The following TOX variants were observed in gnomAD, a reference collection of about 807,000 sequenced individuals.
The protein encoded by TOX is thymocyte selection associated high mobility group box, also known as thymocyte selection-associated high mobility group box protein TOX.
TOX carries 11 observed loss-of-function variants against 53.7 expected under a neutral mutation model. The observed-to-expected ratio is 0.20, with a 90% CI of 0.13 to 0.34. The LOEUF (loss-of-function observed/expected upper bound fraction) is 0.34. Ranked by LOEUF, TOX falls within the 10% of genes least tolerant of loss-of-function variation. The pLI, the probability that TOX is intolerant of heterozygous loss-of-function variation, is 1.00. For synonymous variants in TOX, 225 were observed against 245.3 expected, an observed-to-expected ratio of 0.92 and a Z score of 0.77; for missense variants, 570 against 664.6, an observed-to-expected ratio of 0.86 and a Z score of 1.56.
rs924942904 is a variant in TOX, at chr8:59,033,558, T to C, written c.103-73550A>G. Among the ~76,000 whole-genome samples the C allele has an allele frequency of 2.0e-5, 3 of 152,116 alleles. No individual in the cohort carries two copies. In the East Asian group the frequency reaches 5.8e-4, roughly 29 times the overall value. On this transcript the variant is annotated intron_variant, in intron 1 of 8. Coordinates refer to ENST00000361421, the MANE Select transcript of TOX (RefSeq NM_014729.3). The stretch of plus-strand genomic sequence containing the variant: ...TATTATGTGAATTTTTCCACAATAA[T>C]AAAAAGGTCGATGCCCAGTCGCCAC...
chr8:59,063,357 T>G (rs1240810568), intron 1 of TOX, among the ~76,000 whole-genome samples: 1 of 152,140 alleles, frequency 6.6e-6, no homozygotes, highest in Non-Finnish European at 1.5e-5. Flanking sequence ...AAAATTTTTT[T>G]TTTATTCCAA....
At position 58,815,371 on chromosome 8, in the gene TOX, G is replaced by A; in HGVS notation, c.1359C>T (p.Val453=). Residue 453 remains valine, a synonymous_variant, in exon 7 of 9, where the codon GTC becomes GTT. Coordinates refer to ENST00000361421, the MANE Select transcript of TOX (RefSeq NM_014729.3). ...QPLGNQLPMQ[V]QSALHSPTMQ... ...TGGTGGGTGAGTGTAAGGCAGACTG[G>A]ACCTGCATGGGGAGCTGGTTCCCAA... 6.2e-7 allele frequency: 1 copy of A among 1,610,612 alleles called. No individual in the cohort carries two copies. The highest frequency in any genetic ancestry group is 1.1e-5 in the South Asian group (1 of 90,276).
chr8:58,874,147 T>G (rs1208245903), intron 3 of TOX, among the ~76,000 whole-genome samples: 1 of 151,666 alleles, frequency 6.6e-6, no homozygotes, highest in African/African-American at 2.4e-5. Flanking sequence ...GTATCCTTTC[T>G]ATCAGGTTTC....
intron 1 of TOX, among the ~76,000 whole-genome samples, chr8:58,970,001 G>C (rs1812974219): frequency 6.6e-6 from 1 of 152,122 alleles, no homozygotes. Flanking sequence ...AAACCACCTA[G>C]TATGGTCTTG....
intron 3 of TOX, among the ~76,000 whole-genome samples, chr8:58,858,204 T>A (rs975203257): frequency 6.6e-6 from 1 of 152,196 alleles, no homozygotes; most frequent in Non-Finnish European, 1.5e-5. Context: ...ACATTAGTCA[T>A]GTTAGTGATG....
At chr8:58,857,576 G>A (rs1023212752) in intron 3 of TOX, among the ~76,000 whole-genome samples, 3 of 152,092 alleles carry the variant, frequency 2.0e-5, no homozygotes, top group Non-Finnish European at 4.4e-5. Context: ...AAATCAATTA[G>A]GAAGCCAAAG....
chr8:58,856,184 A>G (rs1219948579), intron 3 of TOX, among the ~76,000 whole-genome samples: 1 of 152,204 alleles, frequency 6.6e-6, no homozygotes, highest in African/African-American at 2.4e-5. Context: ...TGTACTTTAA[A>G]GTCAAGTTCA....
chr8:58,890,741 T>A (rs1811546932), intron 3 of TOX, among the ~76,000 whole-genome samples: 1 of 152,082 alleles, frequency 6.6e-6, no homozygotes. Flanking sequence ...CTGGACGGGA[T>A]GGATGTTCAC....
At chr8:58,848,253 C>G (rs1563369059) in intron 4 of TOX, among the ~76,000 whole-genome samples, 1 of 151,724 alleles carries the variant, frequency 6.6e-6, no homozygotes. Context: ...TATAAAATCT[C>G]TAATCTCAAA....
rs557448478 is a variant in TOX at position 59,118,102 on chromosome 8, C to G, written c.102+784G>C. Among the ~76,000 whole-genome samples, 2 of 152,228 alleles carry G rather than the reference C, an allele frequency of 1.3e-5. No homozygotes were observed. The highest frequency in any genetic ancestry group is 2.4e-5 in the African/African-American group (1 of 41,464). On this transcript the variant is annotated intron_variant, in intron 1 of 8. Transcript: ENST00000361421. This position sits in a 1 kb window ranked among gnomAD's most constrained non-coding sequence, Gnocchi z 4.1. Reference sequence around the variant, plus strand: ...CATGATCCGCCTCTCCCCGGGCCCCCGCGGCCCTGGCACCCGAGGTCAGCG... The same window carrying G: ...CATGATCCGCCTCTCCCCGGGCCCCGGCGGCCCTGGCACCCGAGGTCAGCG...
intron 3 of TOX, among the ~76,000 whole-genome samples, chr8:58,877,114 G>A (rs546708863): frequency 4.4e-4 from 67 of 152,276 alleles, no homozygotes; most frequent in African/African-American, 1.6e-3. Context: ...CCTAGTTCCT[G>A]AGATCTCAGT....
intron 3 of TOX, among the ~76,000 whole-genome samples, chr8:58,907,874 A>G (rs1167313048): frequency 6.6e-6 from 1 of 152,208 alleles, no homozygotes; most frequent in Non-Finnish European, 1.5e-5. Context: ...ATCTGGACTC[A>G]ATTCATTGGG....
At chr8:58,898,280 A>G (rs1470525559) in intron 3 of TOX, among the ~76,000 whole-genome samples, 1 of 123,332 alleles carries the variant, frequency 8.1e-6, no homozygotes, top group South Asian at 2.6e-4. Flanking sequence ...ATTTCAATTT[A>G]CACCTTCGCA....
intron 7 of TOX, among the ~76,000 whole-genome samples, chr8:58,812,170 C>T (rs530766112): frequency 5.3e-5 from 8 of 152,212 alleles, no homozygotes; most frequent in Non-Finnish European, 1.0e-4. Flanking sequence ...ACTGATGACT[C>T]GGATGTGGGC....
chr8:59,016,332 C>T (rs374134205), intron 1 of TOX, among the ~76,000 whole-genome samples: 1 of 152,072 alleles, frequency 6.6e-6, no homozygotes, highest in African/African-American at 2.4e-5. Flanking sequence ...CTCACTTTCC[C>T]CCCAAAACTG....
chr8:59,074,864 G>A (rs1804264483), intron 1 of TOX, among the ~76,000 whole-genome samples: 1 of 152,184 alleles, frequency 6.6e-6, no homozygotes, highest in Non-Finnish European at 1.5e-5. Context: ...CTGGCATTAT[G>A]TGGAGGCCAT....
chr8:59,032,205 C>A (rs558305196), intron 1 of TOX, among the ~76,000 whole-genome samples: 6 of 152,108 alleles, frequency 3.9e-5, no homozygotes, highest in African/African-American at 1.2e-4. Context: ...AAGGATGTAG[C>A]CCTAAGTAAC....
At chr8:58,928,806 C>T (rs891199428) in intron 3 of TOX, among the ~76,000 whole-genome samples, 7 of 152,242 alleles carry the variant, frequency 4.6e-5, no homozygotes, top group East Asian at 1.9e-4. Flanking sequence ...AAGTTTCATA[C>T]GGTATGAATT....
intron 1 of TOX, among the ~76,000 whole-genome samples, chr8:58,996,553 A>G (rs1422797035): frequency 6.6e-6 from 1 of 152,214 alleles, no homozygotes; most frequent in Non-Finnish European, 1.5e-5. Context: ...CCCCTTTCCT[A>G]TAACTTTATC....
Sources: allele counts gnomAD v4.1 joint callset (sites outside exome capture counted in the v4.1 genomes callset), GRCh38; gene constraint gnomAD v4.1.1; non-coding constraint Gnocchi (gnomAD v3.1); transcripts MANE v1.5; gene names NCBI Gene and HGNC (gene_info 2026-07-23, HGNC 2026-07-21).